KALRN: variants seen among roughly 807,000 people sequenced by gnomAD.
The protein encoded by KALRN is kalirin RhoGEF kinase.
In KALRN, 70 loss-of-function variants were observed where a neutral mutation model predicts 353.7. The observed-to-expected ratio is 0.20, with a 90% CI of 0.16 to 0.24. The LOEUF is 0.24. KALRN is among the 10% of genes least tolerant of loss of function. The probability of loss-of-function intolerance (pLI) is 1.00; values close to 1 mark genes in which losing one functional copy is unlikely to be tolerated. For missense variants in KALRN, 2,791 were observed against 3,756.7 expected (o/e 0.74, Z 6.72); for synonymous variants, 1,391 against 1,434.8 (o/e 0.97, Z 0.69).
intron 1 of KALRN, among the ~76,000 whole-genome samples, chr3:124,083,643 A>G (rs1398975421): frequency 6.6e-6 from 1 of 152,260 alleles, no homozygotes; most frequent in Non-Finnish European, 1.5e-5. Flanking sequence ...GGCACAAAGA[A>G]GTTTAGTAAT....
At chr3:124,526,241 T>C (rs141418275) in intron 33 of KALRN, among the ~76,000 whole-genome samples, 3 of 152,126 alleles carry the variant, frequency 2.0e-5, no homozygotes, top group Non-Finnish European at 4.4e-5. Context: ...TAGTAAAAAA[T>C]CTGGATAACT....
At chr3:124,452,367 AC>A (rs1303576683) in intron 21 of KALRN, among the ~76,000 whole-genome samples, 4 of 152,222 alleles carry the variant, frequency 2.6e-5, no homozygotes, top group Non-Finnish European at 4.4e-5. Context: ...TTTTCTAGAC[AC>A]TGGAGATATA....
intron 33 of KALRN, among the ~76,000 whole-genome samples, chr3:124,548,577 C>T (rs2070020818): frequency 1.3e-5 from 2 of 152,198 alleles, no homozygotes; most frequent in Non-Finnish European, 2.9e-5. Context: ...TTCCATGTGA[C>T]CTCAGTGGCT....
At chr3:124,221,250 C>A (rs1430657605) in intron 1 of KALRN, among the ~76,000 whole-genome samples, 1 of 152,230 alleles carries the variant, frequency 6.6e-6, no homozygotes, top group East Asian at 1.9e-4. Flanking sequence ...CCATCCCTTG[C>A]CTCTTCTGTT....
intron 1 of KALRN, among the ~76,000 whole-genome samples, chr3:124,212,067 G>A (rs144673156): frequency 2.0e-4 from 30 of 152,184 alleles, no homozygotes; most frequent in Admixed American, 1.4e-3. Context: ...AGACCAAAGC[G>A]GCAGAGGATT....
chr3:124,095,116 C>T (rs1229996972), intron 1 of KALRN, among the ~76,000 whole-genome samples: 2 of 152,076 alleles, frequency 1.3e-5, no homozygotes, highest in Admixed American at 1.3e-4. Context: ...ATCGGGAGCA[C>T]AGGGTCATTT....
At chr3:124,061,944 T>C (rs1401415958) in intron 1 of KALRN, among the ~76,000 whole-genome samples, 2 of 30,948 alleles carry the variant, frequency 6.5e-5, no homozygotes, top group Non-Finnish European at 2.7e-4. Context: ...GCAGTTATTT[T>C]ACTTTCTAAG....
At chr3:124,568,146 A>G (rs1228274754) in intron 34 of KALRN, among the ~76,000 whole-genome samples, 2 of 152,214 alleles carry the variant, frequency 1.3e-5, no homozygotes, top group African/African-American at 4.8e-5. Flanking sequence ...AACTCCTGCA[A>G]CTCAACAACA....
rs781679134 is a variant in KALRN, at chr3:124,674,535, G to A, written c.7114G>A (p.Ala2372Thr). ...YQPASDHSPA[A>T]EGWVPGSILA... The stretch of plus-strand genomic sequence containing the variant: ...GCCTGCCAGCGACCATTCCCCCGCC[G>A]CCGAGGGCTGGGTCCCAGGCAGCAT... Residue 2372 changes from alanine to threonine, a missense_variant, in exon 49 of 60, where the codon GCC (alanine) becomes ACC (threonine). By Grantham distance (58) the Ala-to-Thr change is moderately conservative (BLOSUM62 0). Around this residue, in one of 11 missense-constraint regions of KALRN, gnomAD observed 1,065 missense variants for 1,156.4 expected, o/e 0.92. Transcript: ENST00000682506. The A allele has an allele frequency of 1.3e-5, 21 of 1,613,462 alleles. No homozygotes were observed. Among genetic ancestry groups the A allele is most frequent in the South Asian group, 5.5e-5 (5 of 90,920 alleles).
In KALRN at chr3:124,671,131, C is replaced by T. The variant is rs537642031; in HGVS notation, c.6704-529C>T. On this transcript the variant is annotated intron_variant, in intron 47 of 59. Coordinates refer to ENST00000682506, the MANE Select transcript of KALRN (RefSeq NM_001388419.1). ...TACAAGGTCAGTGTTCCTCAAATGTCGCTCTCTGATGATAGAATCTCAATT... is the reference window on the plus strand; with the variant it reads ...TACAAGGTCAGTGTTCCTCAAATGTTGCTCTCTGATGATAGAATCTCAATT... Among the ~76,000 whole-genome samples the T allele has an allele frequency of 8.5e-5, 13 of 152,292 alleles. No homozygotes were observed. In the South Asian group the frequency reaches 2.5e-3, roughly 29 times the overall value.
chr3:124,456,761 C>G, intron 23 of KALRN, 33 bp downstream of exon 23: 1 of 1,471,668 alleles, frequency 6.8e-7, no homozygotes, highest in Middle Eastern at 2.0e-4. Flanking sequence ...CTAGCTGGCT[C>G]CCCGTGACTA....
At chr3:124,603,094 A>T (rs1448055145) in intron 34 of KALRN, among the ~76,000 whole-genome samples, 1 of 152,042 alleles carries the variant, frequency 6.6e-6, no homozygotes, top group Non-Finnish European at 1.5e-5. Flanking sequence ...TTTTATTTGC[A>T]TATGTAAACC....
intron 1 of KALRN, among the ~76,000 whole-genome samples, chr3:124,080,402 G>T (rs1215016718): frequency 6.6e-6 from 1 of 152,200 alleles, no homozygotes; most frequent in African/African-American, 2.4e-5. Flanking sequence ...CTCTTTGGAG[G>T]TAGATCCTGG....
chr3:124,347,382 T>C, intron 10 of KALRN, 117 bp downstream of exon 10: 1 of 1,310,008 alleles, frequency 7.6e-7, no homozygotes, highest in Admixed American at 2.4e-5. Context: ...TGTGTGTGTG[T>C]GTGTGTGTGT....
At chr3:124,552,467 C>T (rs2070666465) in intron 33 of KALRN, among the ~76,000 whole-genome samples, 1 of 152,198 alleles carries the variant, frequency 6.6e-6, no homozygotes, top group African/African-American at 2.4e-5. Flanking sequence ...TGACTGGATA[C>T]CTTGACCTCC....
At chr3:124,301,454 G>T (rs1019822102) in intron 6 of KALRN, among the ~76,000 whole-genome samples, 25 of 152,156 alleles carry the variant, frequency 1.6e-4, no homozygotes, top group African/African-American at 5.8e-4. Context: ...GCACTCAGAG[G>T]CTTCCTTGGC....
chr3:124,098,451 C>T (rs2061604136), intron 1 of KALRN, among the ~76,000 whole-genome samples: 1 of 152,196 alleles, frequency 6.6e-6, no homozygotes, highest in Admixed American at 6.5e-5. Flanking sequence ...CTTTGCCCTG[C>T]CTTAGTTTCT....
chr3:124,226,242 T>A (rs1358867323), intron 1 of KALRN, among the ~76,000 whole-genome samples: 1 of 152,234 alleles, frequency 6.6e-6, no homozygotes, highest in East Asian at 1.9e-4. Context: ...TTGTAAATTC[T>A]GTAATAATTT....
chr3:124,033,949 G>C lies in KALRN; in HGVS notation c.73+136G>C, dbSNP rs1346157783. On this transcript the variant is annotated intron_variant, in intron 1 of 59. Coordinates refer to ENST00000682506, the MANE Select transcript of KALRN (RefSeq NM_001388419.1). The surrounding 1 kb of genome is among the most constrained non-coding windows in gnomAD (Gnocchi z 6.2). ...GCAGTGCCCCCTCGGCGTCGGGGCT[G>C]GAGTTGCCGAGATTCTGGTTGTTAT... is the stretch of plus-strand genomic sequence containing the variant. Among the ~76,000 whole-genome samples the C allele has an allele frequency of 6.6e-6, 1 of 151,848 alleles. No individual in the cohort carries two copies. Among genetic ancestry groups the C allele is most frequent in the Non-Finnish European group, 1.5e-5 (1 of 67,946 alleles).
Sources: allele counts gnomAD v4.1 joint callset (sites outside exome capture counted in the v4.1 genomes callset), GRCh38; gene constraint gnomAD v4.1.1; regional missense constraint gnomAD v4.1.1; non-coding constraint Gnocchi (gnomAD v3.1); transcripts MANE v1.5; gene names NCBI Gene and HGNC (gene_info 2026-07-23, HGNC 2026-07-21).